Variants in DCLK2 observed in about 807,000 individuals in gnomAD.
DCLK2 encodes the protein serine/threonine-protein kinase DCLK2.
Under a neutral mutation model 78.4 loss-of-function variants are expected in DCLK2, and 31 were observed. The observed-to-expected ratio is 0.40, with a 90% CI of 0.30 to 0.53. The LOEUF is 0.53. Ranked by LOEUF, DCLK2 falls within the 20% of genes least tolerant of loss-of-function variation. The pLI is 0.61. For missense variants in DCLK2, 872 were observed against 973.7 expected, an observed-to-expected ratio of 0.90 and a Z score of 1.39; for synonymous variants, 407 against 374.9, an observed-to-expected ratio of 1.09 and a Z score of -0.99.
At chr4:150,255,721 G>A (rs760710907) in intron 15 of DCLK2, among the ~76,000 whole-genome samples, 27 of 152,208 alleles carry the variant, frequency 1.8e-4, no homozygotes, top group Non-Finnish European at 3.1e-4. Flanking sequence ...TAAGGTCTGG[G>A]CTTGGGCTGA....
intron 15 of DCLK2, chr4:150,253,213 C>T (rs1744312142): frequency 1.2e-5 from 6 of 514,212 alleles, no homozygotes; most frequent in Admixed American, 2.0e-5. Flanking sequence ...CTCCCTGGTA[C>T]TCATAGGTCC....
chr4:150,254,357 T>C (rs1744413202), intron 15 of DCLK2: 1 of 398,950 alleles, frequency 2.5e-6, no homozygotes, highest in Non-Finnish European at 4.4e-6. Flanking sequence ...AAAGTAAGTC[T>C]AGTTTCTGTC....
intron 1 of DCLK2, among the ~76,000 whole-genome samples, chr4:150,101,445 CTGTTT>C (rs1167497628): frequency 6.6e-6 from 1 of 151,848 alleles, no homozygotes; most frequent in Non-Finnish European, 1.5e-5. Flanking sequence ...TGGGTTACTT[CTGTTT>C]TAAGTATTTA....
rs140147570 is a variant in DCLK2 at position 150,157,489 on chromosome 4, TTTTGTTTGTTTG to T, written c.757-35621_757-35610del. Among the ~76,000 whole-genome samples the T allele has an allele frequency of 1.3e-3, 124 of 98,906 alleles. 2 individuals are homozygous for T. Among genetic ancestry groups the T allele is most frequent in the African/African-American group, 3.1e-3 (96 of 30,510 alleles). 64.9% of individuals were successfully genotyped at this position (98,906 alleles called of 152,430 possible). A position where few individuals can be genotyped will look rare whatever the true frequency, so the allele number is the denominator to read the frequency against. On this transcript the variant is annotated intron_variant, in intron 2 of 15. Coordinates refer to ENST00000296550, the MANE Select transcript of DCLK2 (RefSeq NM_001040260.4). Reference sequence around the variant, plus strand: ...TTTGTATTTTTTGTAGAGATGGTTTTTTTGTTTGTTTGTTTGTTTGTTTGTTTGTTTGTTTGT... The same window carrying T: ...TTTGTATTTTTTGTAGAGATGGTTTTTTTGTTTGTTTGTTTGTTTGTTTGT...
chr4:150,250,982 AC>A, intron 15 of DCLK2, among the ~76,000 whole-genome samples: 1 of 422 alleles, frequency 2.4e-3, no homozygotes. Context: ...CATCCCCCAC[AC>A]CACACATCCC....
chr4:150,247,893 T>A (rs144920485), intron 13 of DCLK2, among the ~76,000 whole-genome samples, 194 bp downstream of exon 13: 181 of 152,368 alleles, frequency 1.2e-3, no homozygotes, highest in Middle Eastern at 6.8e-3. Flanking sequence ...ACTGGCCATC[T>A]TTCCAGTTTC....
intron 2 of DCLK2, among the ~76,000 whole-genome samples, chr4:150,175,034 T>TTATATATTTA (rs1736884793): frequency 3.1e-5 from 1 of 32,210 alleles, no homozygotes; most frequent in Non-Finnish European, 6.0e-5. Flanking sequence ...ATATATATAT[T>TTATATATTTA]TATATATATT....
At chr4:150,130,475 G>A (rs970203625) in intron 2 of DCLK2, among the ~76,000 whole-genome samples, 2 of 152,174 alleles carry the variant, frequency 1.3e-5, no homozygotes, top group Non-Finnish European at 1.5e-5. Flanking sequence ...ATGCATGCAC[G>A]TACAGCAGTA....
chr4:150,120,763 G>A (rs543468554), intron 2 of DCLK2, among the ~76,000 whole-genome samples: 133 of 152,170 alleles, frequency 8.7e-4, no homozygotes, highest in Admixed American at 1.9e-3. Flanking sequence ...ATGTACCTAC[G>A]TTAATTTAAA....
chr4:150,219,071 G>A (rs1299657497), intron 5 of DCLK2, among the ~76,000 whole-genome samples: 1 of 151,888 alleles, frequency 6.6e-6, no homozygotes, highest in Non-Finnish European at 1.5e-5. Flanking sequence ...GGGTGTGATG[G>A]CGTATACCTG....
chr4:150,174,246 C>T (rs947874412), intron 2 of DCLK2, among the ~76,000 whole-genome samples: 1 of 152,162 alleles, frequency 6.6e-6, no homozygotes, highest in Non-Finnish European at 1.5e-5. Context: ...AGTAGCCATG[C>T]GGCATCCTGT....
At chr4:150,175,066 A>ATATATTTGTATATATTTGTATATATT (rs1560834877) in intron 2 of DCLK2, among the ~76,000 whole-genome samples, 4 of 10,056 alleles carry the variant, frequency 4.0e-4, no homozygotes, top group African/African-American at 1.0e-3. Context: ...ATATATATTT[A>ATATATTTGTATATATTTGTATATATT]TATATATTTA....
intron 1 of DCLK2, among the ~76,000 whole-genome samples, chr4:150,079,821 G>A (rs756899694): frequency 6.6e-6 from 1 of 152,226 alleles, no homozygotes; most frequent in Non-Finnish European, 1.5e-5. Flanking sequence ...GACCCTCGGT[G>A]TGGACCCTGG....
At chr4:150,216,973 C>T (rs1390038873) in intron 5 of DCLK2, among the ~76,000 whole-genome samples, 1 of 152,196 alleles carries the variant, frequency 6.6e-6, no homozygotes, top group East Asian at 1.9e-4. Context: ...ACCCTACTAG[C>T]ATACAGCATC....
chr4:150,100,920 A>G (rs1035363858), intron 1 of DCLK2, among the ~76,000 whole-genome samples: 5 of 152,186 alleles, frequency 3.3e-5, no homozygotes, highest in African/African-American at 1.2e-4. Flanking sequence ...CAGTGCCCTA[A>G]TTATACCCTT....
At chr4:150,111,032 TA>T (rs1363387508) in intron 2 of DCLK2, among the ~76,000 whole-genome samples, 5 of 152,214 alleles carry the variant, frequency 3.3e-5, no homozygotes, top group Non-Finnish European at 7.3e-5. Context: ...ATGGTAGATC[TA>T]CTTTTAGTTC....
chr4:150,171,252 G>A (rs940303673), intron 2 of DCLK2, among the ~76,000 whole-genome samples: 6 of 152,182 alleles, frequency 3.9e-5, no homozygotes, highest in African/African-American at 1.2e-4. Context: ...AGGCCGAGGC[G>A]GGTGAATCAT....
At chr4:150,125,471 T>C (rs1472121904) in intron 2 of DCLK2, among the ~76,000 whole-genome samples, 4 of 152,236 alleles carry the variant, frequency 2.6e-5, no homozygotes, top group Non-Finnish European at 2.9e-5. Flanking sequence ...GAATATGATA[T>C]AGAAGTAAAA....
intron 10 of DCLK2, among the ~76,000 whole-genome samples, chr4:150,238,600 T>G (rs1295858229): frequency 1.3e-5 from 2 of 152,228 alleles, no homozygotes; most frequent in African/African-American, 4.8e-5. Context: ...CAGCCAGTCC[T>G]TCCAGGAAAT....
Sources: allele counts gnomAD v4.1 joint callset (sites outside exome capture counted in the v4.1 genomes callset), GRCh38; gene constraint gnomAD v4.1.1; transcripts MANE v1.5; gene names NCBI Gene and HGNC (gene_info 2026-07-23, HGNC 2026-07-21).